Variants in IL6R observed in about 807,000 individuals in gnomAD.
IL6R encodes interleukin-6 receptor subunit alpha.
A neutral mutation model predicts 48.3 loss-of-function variants in IL6R; 38 were observed. That is an observed-to-expected ratio of 0.79 (90% CI 0.61 to 1.03). IL6R has a LOEUF of 1.03. Ranked by LOEUF, IL6R falls within the 50% of genes least tolerant of loss-of-function variation. IL6R has a pLI of 0.00. For synonymous variants in IL6R, 264 were observed against 256.2 expected, an observed-to-expected ratio of 1.03 and a Z score of -0.29; for missense variants, 534 against 618.3, an observed-to-expected ratio of 0.86 and a Z score of 1.45.
rs1306195163 is a variant in IL6R at position 154,405,697 on chromosome 1, G to A, written c.68G>A (p.Arg23Lys). The change falls in exon 1 of 10, where the codon AGG (arginine) becomes AAG (lysine). Residue 23 changes from arginine (R) to lysine (K), a missense_variant. Physicochemically the swap from Arg to Lys is conservative, Grantham distance 26. Coordinates refer to ENST00000368485, the MANE Select transcript of IL6R (RefSeq NM_000565.4). The surrounding 1 kb of genome is among the most constrained non-coding windows in gnomAD (Gnocchi z 5.2). ...LAAPGAALAP[R>K]RCPAQEVARG... Reference sequence around the variant, plus strand: ...GCGCCGGGAGCGGCGCTGGCCCCAAGGCGCTGCCCTGCGCAGGGTAAGGGC... The same window carrying A: ...GCGCCGGGAGCGGCGCTGGCCCCAAAGCGCTGCCCTGCGCAGGGTAAGGGC... 6.6e-7 allele frequency: 1 copy of A among 1,521,392 alleles called. No individual in the cohort carries two copies. The highest frequency in any genetic ancestry group is 2.0e-5 in the Admixed American group (1 of 49,236). The allele number at this position is 1,521,392 out of a possible 1,614,324, so 94.2% of individuals were successfully genotyped here. A position where few individuals can be genotyped will look rare whatever the true frequency, so the allele number is the denominator to read the frequency against.
intron 1 of IL6R, chr1:154,406,535 TTGGGCAAC>T (rs1558293672): frequency 6.6e-6 from 1 of 152,104 alleles, no homozygotes; most frequent in Non-Finnish European, 1.5e-5. Flanking sequence ...TCTGGAAGAG[TTGGGCAAC>T]TGGCTCTCCA....
intron 1 of IL6R, among the ~76,000 whole-genome samples, chr1:154,428,009 G>T (rs1689070377): frequency 6.6e-6 from 1 of 152,174 alleles, no homozygotes; most frequent in Admixed American, 6.6e-5. Context: ...CTAATAAATG[G>T]TTATGCATTT....
intron 6 of IL6R, among the ~76,000 whole-genome samples, chr1:154,440,766 G>A (rs113325045): frequency 0.03 from 4,567 of 149,800 alleles, 128 homozygotes; most frequent in Non-Finnish European, 0.044. Context: ...AGTGATTCTC[G>A]TGCCTCAGCC....
At chr1:154,439,658 T>C (rs967376843) in intron 6 of IL6R, among the ~76,000 whole-genome samples, 3 of 152,208 alleles carry the variant, frequency 2.0e-5, no homozygotes, top group Admixed American at 2.0e-4. Context: ...GCATTAAGTA[T>C]TGTTGTGCAA....
chr1:154,430,695 A>G, intron 3 of IL6R, 89 bp downstream of exon 3: 3 of 1,522,788 alleles, frequency 2.0e-6, no homozygotes, highest in Non-Finnish European at 2.7e-6. Context: ...ATTTCAAAAC[A>G]TTATCATTAG....
intron 1 of IL6R, among the ~76,000 whole-genome samples, chr1:154,424,695 T>C (rs1314966861): frequency 6.6e-6 from 1 of 152,212 alleles, no homozygotes; most frequent in Admixed American, 6.5e-5. Context: ...ATTCAGGCAC[T>C]GATGGACTTC....
At chr1:154,437,880 AT>A (rs34722852) in intron 6 of IL6R, among the ~76,000 whole-genome samples, 47,533 of 138,040 alleles carry the variant, frequency 0.34, 8,681 homozygotes, top group Admixed American at 0.51. Context: ...CGCCCGGCTA[AT>A]TTTTTTTTTT....
At position 154,434,651 on chromosome 1, in the gene IL6R, T is replaced by C; in HGVS notation, c.591T>C (p.Ser197=). ...TAGTGTCCATGTGCGTCGCCAGTAGTGTCGGGAGCAAGTTCAGCAAAACTC... is the reference window on the plus strand; with the variant it reads ...TAGTGTCCATGTGCGTCGCCAGTAGCGTCGGGAGCAAGTTCAGCAAAACTC... ...FYIVSMCVAS[S]VGSKFSKTQT... The change falls in exon 4 of 10, where the codon AGT becomes AGC. Residue 197 remains serine (S), a synonymous_variant. Coordinates refer to ENST00000368485, the MANE Select transcript of IL6R (RefSeq NM_000565.4). 6.2e-7 allele frequency: 1 copy of C among 1,614,158 alleles called. No individual in the cohort carries two copies. The highest frequency in any genetic ancestry group is 8.5e-7 in the Non-Finnish European group (1 of 1,180,020).
chr1:154,461,917 G>A (rs565651939), intron 9 of IL6R, among the ~76,000 whole-genome samples: 23 of 152,144 alleles, frequency 1.5e-4, no homozygotes, highest in Non-Finnish European at 2.8e-4. Context: ...GTTCCTCTGT[G>A]AGGGTCTTCA....
chr1:154,447,476 T>TACACACACACACACACACAC (rs1230551409), intron 6 of IL6R, among the ~76,000 whole-genome samples: 13 of 68,824 alleles, frequency 1.9e-4, no homozygotes, highest in African/African-American at 7.2e-4. Flanking sequence ...TATATATATA[T>TACACACACACACACACACAC]ACACACACAC....
chr1:154,465,302 G>C lies in IL6R; in HGVS notation c.1329G>C (p.Ser443=). 5.6e-6 allele frequency: 9 copies of C among 1,614,112 alleles called. No homozygotes were observed. The highest frequency in any genetic ancestry group is 5.9e-6 in the Non-Finnish European group (7 of 1,180,018). Residue 443 remains serine, a synonymous_variant, in exon 10 of 10, where the codon TCG becomes TCC. Coordinates refer to ENST00000368485, the MANE Select transcript of IL6R (RefSeq NM_000565.4). ...GCAGCCTGGGGTCTGACAATACCTC[G>C]AGCCACAACCGACCAGATGCCAGGG... ...SPSSLGSDNT[S]SHNRPDARDP...
chr1:154,430,276 T>G (rs757067949), intron 2 of IL6R, among the ~76,000 whole-genome samples: 4 of 152,182 alleles, frequency 2.6e-5, no homozygotes, highest in Non-Finnish European at 5.9e-5. Context: ...TGTCTCAGAC[T>G]GAAAGGAGGA....
Position 154,454,167 on chromosome 1 carries a change from T to C in IL6R, c.1067-321T>C, listed in dbSNP as rs529007079. The C allele has an allele frequency of 1.0e-3, 393 of 376,352 alleles. 8 individuals carry two copies. Among genetic ancestry groups the C allele is most frequent in the South Asian group, 9.0e-3 (288 of 32,152 alleles). The allele number at this position is 376,352 out of a possible 1,614,324, so 23.3% of individuals were successfully genotyped here. ...TGGAATGTCACCAGAAAAGCCACTC[T>C]GAAAGTGAGTAGGAGTCTGTGGCTA... On this transcript the variant is annotated intron_variant, in intron 8 of 9. Coordinates refer to ENST00000368485, the MANE Select transcript of IL6R (RefSeq NM_000565.4).
In IL6R at chr1:154,435,977, C is replaced by A. The variant is rs1173042510; in HGVS notation, c.816C>A (p.Asp272Glu). 6.2e-7 allele frequency: 1 copy of A among 1,605,134 alleles called. No homozygotes were observed. The highest frequency in any genetic ancestry group is 1.7e-4 in the Middle Eastern group (1 of 5,962). Residue 272 changes from aspartate to glutamate, a missense_variant, in exon 6 of 10, where the codon GAC becomes GAA. Physicochemically the swap from Asp to Glu is conservative, Grantham distance 45. Transcript: ENST00000368485. ...CGTGCCCCCGCCCTCAGGTCAAGGA[C>A]CTCCAGCATCACTGTGTCATCCACG... The part of the protein sequence containing the change: ...SKTFTTWMVK[D>E]LQHHCVIHDA...
intron 1 of IL6R, among the ~76,000 whole-genome samples, chr1:154,407,128 G>C (rs1687771465): frequency 6.6e-6 from 1 of 152,186 alleles, no homozygotes; most frequent in Non-Finnish European, 1.5e-5. Flanking sequence ...TTGTCTGGCT[G>C]AGTGCTGGGA....
chr1:154,420,578 G>A (rs1016816000), intron 1 of IL6R, among the ~76,000 whole-genome samples: 15 of 150,064 alleles, frequency 1.0e-4, no homozygotes, highest in Non-Finnish European at 1.9e-4. Context: ...GAGTGCAGTG[G>A]TGCAATCTCA....
chr1:154,414,606 CT>C (rs1688225596), intron 1 of IL6R: 2 of 777,070 alleles, frequency 2.6e-6, no homozygotes, highest in Non-Finnish European at 4.5e-6. Context: ...ACCCGGCCAT[CT>C]CATCCCTGAT....
chr1:154,418,013 G>A (rs543597393), intron 1 of IL6R, among the ~76,000 whole-genome samples: 4 of 152,268 alleles, frequency 2.6e-5, no homozygotes, highest in Admixed American at 2.0e-4. Context: ...GATTACAGGC[G>A]TGAGCCACTT....
At chr1:154,464,972 T>A (rs1478459943) in intron 9 of IL6R, among the ~76,000 whole-genome samples, 162 bp from the exon 10 acceptor site, 1 of 151,860 alleles carries the variant, frequency 6.6e-6, no homozygotes, top group Non-Finnish European at 1.5e-5. Flanking sequence ...AACAAACAAA[T>A]GAACAAAAAA....
Sources: gnomAD v4.1 joint callset for allele counts (sites outside exome capture counted in the v4.1 genomes callset) on GRCh38, gnomAD v4.1.1 for gene constraint, Gnocchi (gnomAD v3.1) non-coding constraint, MANE v1.5 for transcripts, NCBI Gene and HGNC (gene_info 2026-07-23, HGNC 2026-07-21) for gene names.